The following AAK1 variants were observed in gnomAD, a reference collection of about 807,000 sequenced individuals.
AAK1 encodes AP2 associated kinase 1.
In AAK1, 37 loss-of-function variants were observed where a neutral mutation model predicts 116.0. The ratio of observed to expected loss-of-function variants is 0.32; its 90% confidence interval spans 0.25 to 0.42. The LOEUF is 0.42. Ranked by LOEUF, AAK1 falls within the 10% of genes least tolerant of loss-of-function variation. AAK1 has a pLI of 1.00. For missense variants in AAK1, 919 were observed against 1,170.6 expected (o/e 0.79, Z 3.14); for synonymous variants, 458 against 439.9 (o/e 1.04, Z -0.51).
intron 17 of AAK1, among the ~76,000 whole-genome samples, chr2:69,494,234 G>A (rs546732387): frequency 1.3e-5 from 2 of 152,276 alleles, no homozygotes; most frequent in East Asian, 3.9e-4. Flanking sequence ...AATCCACCAG[G>A]ATGAAAGAAG....
intron 3 of AAK1, among the ~76,000 whole-genome samples, chr2:69,553,914 GAA>G (rs1343339310): frequency 1.5e-5 from 2 of 136,886 alleles, no homozygotes; most frequent in African/African-American, 2.7e-5. Context: ...TGTCTCTAAG[GAA>G]AAAAAAAAAA....
At chr2:69,581,648 A>C (rs1672551542) in intron 2 of AAK1, among the ~76,000 whole-genome samples, 2 of 152,200 alleles carry the variant, frequency 1.3e-5, no homozygotes, top group Non-Finnish European at 2.9e-5. Context: ...AACAGGTTGA[A>C]AATTGACGCA....
chr2:69,466,410 T>C lies in AAK1; in HGVS notation c.*9459A>G, dbSNP rs963104962. The C allele has an allele frequency of 3.9e-6, 5 of 1,289,718 alleles. No individual in the cohort carries two copies. The highest frequency in any genetic ancestry group is 1.5e-5 in the African/African-American group (1 of 65,868). 79.9% of individuals were successfully genotyped at this position (1,289,718 alleles called of 1,614,324 possible). A position where few individuals can be genotyped will look rare whatever the true frequency, so the allele number is the denominator to read the frequency against. ...GCTTGAAGGGCCATCTCTGGCCAAG[T>C]AGTCAGATTCTAAGTTGTTCTGAGT... On this transcript the variant is annotated 3_prime_UTR_variant, in exon 22 of 22. Transcript: ENST00000409085.
Position 69,466,444 on chromosome 2 carries a change from C to T in AAK1, c.*9425G>A, listed in dbSNP as rs1317039957. ...TCTAAGTTGTTCTGAGTCTTTGTGC[C>T]AGGTACTCTGGAGGGGTCTGGATAC... is the stretch of plus-strand genomic sequence containing the variant. On this transcript the variant is annotated 3_prime_UTR_variant, in exon 22 of 22. Transcript: ENST00000409085. The T allele has an allele frequency of 7.8e-7, 1 of 1,289,422 alleles. No individual in the cohort carries two copies. The highest frequency in any genetic ancestry group is 2.3e-5 in the Admixed American group (1 of 43,532). 79.9% of individuals were successfully genotyped at this position (1,289,422 alleles called of 1,614,324 possible).
intron 2 of AAK1, among the ~76,000 whole-genome samples, chr2:69,635,291 AAAC>A (rs1355731418): frequency 6.6e-6 from 1 of 152,256 alleles, no homozygotes; most frequent in Non-Finnish European, 1.5e-5. Context: ...ACAAAACAGA[AAAC>A]AAGTGTCGGT....
At chr2:69,584,152 G>C (rs764405182) in intron 2 of AAK1, among the ~76,000 whole-genome samples, 1 of 152,168 alleles carries the variant, frequency 6.6e-6, no homozygotes, top group Non-Finnish European at 1.5e-5. Flanking sequence ...AGGCCCTAAT[G>C]ATTCTGGTAT....
At chr2:69,564,912 TG>T (rs1258628453) in intron 2 of AAK1, among the ~76,000 whole-genome samples, 1 of 152,110 alleles carries the variant, frequency 6.6e-6, no homozygotes, top group Non-Finnish European at 1.5e-5. Flanking sequence ...ACACAGAAGG[TG>T]TTCCTGCCTT....
chr2:69,514,448 T>C, intron 13 of AAK1, 23 bp downstream of exon 13: 3 of 1,515,836 alleles, frequency 2.0e-6, no homozygotes, highest in Non-Finnish European at 1.8e-6. Flanking sequence ...GCTTTTGTGC[T>C]CTGAGCTCTG....
intron 2 of AAK1, among the ~76,000 whole-genome samples, chr2:69,559,882 G>A (rs959998659): frequency 6.6e-6 from 1 of 152,218 alleles, no homozygotes; most frequent in South Asian, 2.1e-4. Flanking sequence ...ACCACCAGAT[G>A]GGAGCAGTGT....
At chr2:69,593,414 G>A (rs948174944) in intron 2 of AAK1, among the ~76,000 whole-genome samples, 6 of 151,676 alleles carry the variant, frequency 4.0e-5, no homozygotes, top group South Asian at 4.1e-4. Flanking sequence ...TTTTTATTGT[G>A]TATTTTTACC....
intron 6 of AAK1, 85 bp downstream of exon 6, chr2:69,531,956 C>T (rs138141898): frequency 7.7e-6 from 12 of 1,563,040 alleles, no homozygotes; most frequent in African/African-American, 1.4e-5. Context: ...ATTCTCTCCC[C>T]ACCCTGACCT....
chr2:69,510,113 C>T (rs1676335838), intron 13 of AAK1, among the ~76,000 whole-genome samples: 2 of 152,012 alleles, frequency 1.3e-5, no homozygotes, highest in South Asian at 2.1e-4. Flanking sequence ...ACTCGTGTCA[C>T]GGGGGTTTGT....
At chr2:69,572,675 G>A (rs1672136816) in intron 2 of AAK1, among the ~76,000 whole-genome samples, 1 of 149,774 alleles carries the variant, frequency 6.7e-6, no homozygotes, top group Non-Finnish European at 1.5e-5. Context: ...TGATTACTGA[G>A]TCTTGAGTGC....
chr2:69,611,937 C>A (rs1304912337), intron 2 of AAK1, among the ~76,000 whole-genome samples: 1 of 152,150 alleles, frequency 6.6e-6, no homozygotes, highest in Non-Finnish European at 1.5e-5. Flanking sequence ...GATGAGGTAT[C>A]TAGAGTAGGC....
At chr2:69,553,468 G>A (rs1178820435) in intron 3 of AAK1, among the ~76,000 whole-genome samples, 28 of 113,534 alleles carry the variant, frequency 2.5e-4, no homozygotes, top group African/African-American at 1.0e-3. Flanking sequence ...TTTTTGAGAC[G>A]GAGTCTAGCT....
rs1675238374 is a variant in AAK1 at position 69,484,968 on chromosome 2, C to T, written c.2366-2156G>A. Reference sequence around the variant, plus strand: ...GAAAAAAACCCTCACAGGGCACTAACCAAGTATACAAGTGTAATTATATTA... The same window carrying T: ...GAAAAAAACCCTCACAGGGCACTAATCAAGTATACAAGTGTAATTATATTA... On this transcript the variant is annotated intron_variant, in intron 17 of 21. Coordinates refer to ENST00000409085, the MANE Select transcript of AAK1 (RefSeq NM_014911.5). Among the ~76,000 whole-genome samples, 3 of 151,940 alleles carry T rather than the reference C, an allele frequency of 2.0e-5. No individual in the cohort carries two copies. The South Asian group carries it at 6.2e-4, about 32-fold the overall frequency.
chr2:69,506,980 C>T (rs1273129424), intron 15 of AAK1, among the ~76,000 whole-genome samples: 1 of 151,862 alleles, frequency 6.6e-6, no homozygotes, highest in East Asian at 1.9e-4. Flanking sequence ...TACAGTAATA[C>T]AGAACTCTGA....
chr2:69,599,150 A>G (rs1360176172), intron 2 of AAK1, among the ~76,000 whole-genome samples: 4 of 152,208 alleles, frequency 2.6e-5, no homozygotes, highest in Non-Finnish European at 5.9e-5. Context: ...TAAAGATGAT[A>G]TTCAAAAGAA....
chr2:69,572,610 ACT>A lies in AAK1; in HGVS notation c.164-15634_164-15633del, dbSNP rs1163914896. The stretch of plus-strand genomic sequence containing the variant: ...CTCCAGCCTGGGCAACAAAAACGAA[ACT>A]CTGTCTTTAAAAAAAAAAAAAAAAA... On this transcript the variant is annotated intron_variant, in intron 2 of 21. Coordinates refer to ENST00000409085, the MANE Select transcript of AAK1 (RefSeq NM_014911.5). Among the ~76,000 whole-genome samples, 18 of 145,406 alleles carry A rather than the reference ACT, an allele frequency of 1.2e-4. No individual in the cohort carries two copies. In the Admixed American group the frequency reaches 1.3e-3, roughly 10 times the overall value.
Sources: allele counts gnomAD v4.1 joint callset (sites outside exome capture counted in the v4.1 genomes callset), GRCh38; gene constraint gnomAD v4.1.1; transcripts MANE v1.5; gene names NCBI Gene and HGNC (gene_info 2026-07-23, HGNC 2026-07-21).